Variants in SCARA3 observed in about 807,000 individuals in gnomAD.
The protein encoded by SCARA3 is scavenger receptor class A member 3, also known as cellular stress response gene protein.
A neutral mutation model predicts 47.0 loss-of-function variants in SCARA3; 39 were observed. The ratio of observed to expected loss-of-function variants is 0.83; its 90% confidence interval spans 0.64 to 1.08. The LOEUF is 1.08. SCARA3 is among the 50% of genes least tolerant of loss of function. The probability of loss-of-function intolerance (pLI) is 0.00; values close to 1 mark genes in which losing one functional copy is unlikely to be tolerated. For missense variants in SCARA3, 724 were observed against 792.3 expected (o/e 0.91, Z 1.04); for synonymous variants, 356 against 334.1 (o/e 1.07, Z -0.71).
intron 5 of SCARA3, among the ~76,000 whole-genome samples, chr8:27,668,185 G>C (rs1452799697): frequency 6.6e-6 from 1 of 152,224 alleles, no homozygotes; most frequent in Non-Finnish European, 1.5e-5. Flanking sequence ...AGAGGAGCTG[G>C]AAGGGGCTGG....
downstream of SCARA3, chr8:27,679,753 T>G (rs1219110556): frequency 2.6e-5 from 4 of 152,172 alleles, no homozygotes; most frequent in African/African-American, 9.7e-5. Flanking sequence ...GAAAAAGACT[T>G]AAATTACACA....
intron 1 of SCARA3, among the ~76,000 whole-genome samples, chr8:27,635,782 A>G (rs1304922690): frequency 2.6e-5 from 4 of 152,160 alleles, no homozygotes; most frequent in Non-Finnish European, 4.4e-5. Context: ...TTAACAAGTC[A>G]TCCCCTCCCA....
chr8:27,640,608 G>T (rs1801361265), intron 1 of SCARA3, among the ~76,000 whole-genome samples: 1 of 151,766 alleles, frequency 6.6e-6, no homozygotes, highest in African/African-American at 2.4e-5. Flanking sequence ...TCAAGCTCCC[G>T]ACCTCAAGCA....
intron 3 of SCARA3, among the ~76,000 whole-genome samples, chr8:27,651,965 C>T (rs961472435): frequency 3.9e-5 from 6 of 152,188 alleles, no homozygotes; most frequent in Non-Finnish European, 7.3e-5. Context: ...CCACCCCGAT[C>T]GTGGAATTAA....
At chr8:27,690,243 G>A in the SCARA3 span, among the ~76,000 whole-genome samples, 1 of 152,168 alleles carries the variant, frequency 6.6e-6, no homozygotes, top group Admixed American at 6.5e-5. Flanking sequence ...ATCAGTCAGG[G>A]AGTCCACAGG....
the SCARA3 span, among the ~76,000 whole-genome samples, chr8:27,688,573 A>G: frequency 1.3e-5 from 2 of 151,996 alleles, no homozygotes; most frequent in African/African-American, 2.4e-5. Flanking sequence ...GCACGTGCCT[A>G]TAGTCCCAGC....
chr8:27,660,718 G>GATAA (rs1427336127), intron 5 of SCARA3, among the ~76,000 whole-genome samples: 4 of 151,676 alleles, frequency 2.6e-5, no homozygotes, highest in Non-Finnish European at 4.4e-5. Flanking sequence ...TAGATAGATA[G>GATAA]ATAGATAGAT....
chr8:27,717,994 A>T, the SCARA3 span, among the ~76,000 whole-genome samples: 1 of 152,148 alleles, frequency 6.6e-6, no homozygotes, highest in Non-Finnish European at 1.5e-5. Flanking sequence ...TATTACCCCC[A>T]AACATTTAGG....
chr8:27,643,787 T>G (rs368639820), intron 1 of SCARA3, among the ~76,000 whole-genome samples: 1 of 152,302 alleles, frequency 6.6e-6, no homozygotes, highest in East Asian at 1.9e-4. Context: ...AGAAAGACCT[T>G]TTATTCAGTT....
At chr8:27,653,519 T>C (rs1439891736) in intron 3 of SCARA3, among the ~76,000 whole-genome samples, 1 of 152,008 alleles carries the variant, frequency 6.6e-6, no homozygotes, top group Non-Finnish European at 1.5e-5. Flanking sequence ...TTGGCCTAAA[T>C]GGCAGGTGCC....
chr8:27,679,907 T>G (rs568392788), downstream of SCARA3: 1 of 152,266 alleles, frequency 6.6e-6, no homozygotes, highest in East Asian at 1.9e-4. Flanking sequence ...AAGGTTGACA[T>G]GCAAATTCAG....
intron 1 of SCARA3, among the ~76,000 whole-genome samples, chr8:27,648,460 C>A (rs1167602005): frequency 6.6e-6 from 1 of 152,020 alleles, no homozygotes. Flanking sequence ...AAAAATTAGC[C>A]GGGCGTGGTG....
Position 27,671,119 on chromosome 8 carries a change from C to G in SCARA3, c.1589C>G (p.Thr530Ser). The G allele has an allele frequency of 6.3e-7, 1 of 1,590,596 alleles. No individual in the cohort carries two copies. Among genetic ancestry groups the G allele is most frequent in the South Asian group, 1.1e-5 (1 of 89,160 alleles). ...GLKGSKGSFGTGGPRGQPGPK... is the reference protein window; with the variant it reads ...GLKGSKGSFGSGGPRGQPGPK... ...AAAGGCTCAAAGGGCAGCTTTGGAA[C>G]TGGAGGGCCGAGAGGACAGCCAGGC... is the stretch of plus-strand genomic sequence containing the variant. Residue 530 changes from threonine (T) to serine (S), a missense_variant, in exon 6 of 6, where the codon ACT becomes AGT. Coordinates refer to ENST00000301904, the MANE Select transcript of SCARA3 (RefSeq NM_016240.3).
the SCARA3 span, among the ~76,000 whole-genome samples, chr8:27,689,458 C>T: frequency 1.6e-4 from 25 of 152,078 alleles, 2 homozygotes; most frequent in East Asian, 1.9e-4. Context: ...TGACCCAACG[C>T]GATGCTGGGA....
intron 5 of SCARA3, among the ~76,000 whole-genome samples, chr8:27,663,241 G>T (rs932598254): frequency 6.6e-6 from 1 of 152,212 alleles, no homozygotes; most frequent in Non-Finnish European, 1.5e-5. Flanking sequence ...CTCAGGAAGG[G>T]GCTGCAGGAC....
the SCARA3 span, among the ~76,000 whole-genome samples, chr8:27,705,167 G>T: frequency 1.3e-5 from 2 of 152,150 alleles, no homozygotes; most frequent in African/African-American, 4.8e-5. Flanking sequence ...CAGAGGGAGA[G>T]AAAATGCATG....
the SCARA3 span, among the ~76,000 whole-genome samples, chr8:27,724,452 G>A: frequency 3.9e-5 from 6 of 152,022 alleles, no homozygotes; most frequent in Non-Finnish European, 5.9e-5. Context: ...TCACAAGGTC[G>A]GGAGTTCGAG....
Position 27,651,601 on chromosome 8 carries a change from T to C in SCARA3, c.200T>C (p.Val67Ala). The change falls in exon 3 of 6, where the codon GTG becomes GCG. Residue 67 changes from valine to alanine, a missense_variant. Val to Ala is a moderately conservative substitution (Grantham distance 64, BLOSUM62 0). Transcript: ENST00000301904. ...TACCTCTTCCTGGCCCTGCTCCTGG[T>C]GGCCGTGGCTGTGTTGGCCTCTCTG... is the stretch of plus-strand genomic sequence containing the variant. ...ILYLFLALLL[V>A]AVAVLASLVF... is the part of the protein sequence containing the mutation. 6.2e-7 allele frequency: 1 copy of C among 1,614,150 alleles called. No individual in the cohort carries two copies. The highest frequency in any genetic ancestry group is 1.1e-5 in the South Asian group (1 of 91,078).
chr8:27,724,573 G>A, the SCARA3 span, among the ~76,000 whole-genome samples: 8 of 152,298 alleles, frequency 5.3e-5, no homozygotes, highest in South Asian at 4.1e-4. Context: ...CAGGAGAACC[G>A]TTTGAACCCG....
Sources: allele counts gnomAD v4.1 joint callset (sites outside exome capture counted in the v4.1 genomes callset), GRCh38; gene constraint gnomAD v4.1.1; transcripts MANE v1.5; gene names NCBI Gene and HGNC (gene_info 2026-07-23, HGNC 2026-07-21).